The following ZBTB20 variants were observed in gnomAD, a reference collection of about 807,000 sequenced individuals.
ZBTB20 encodes zinc finger and BTB domain containing 20, also known as zinc finger and BTB domain-containing protein 20.
In ZBTB20, 9 loss-of-function variants were observed where a neutral mutation model predicts 56.9. That is an observed-to-expected ratio of 0.16 (90% CI 0.10 to 0.28). The LOEUF is 0.28. Ranked by LOEUF, ZBTB20 falls within the 10% of genes least tolerant of loss-of-function variation. ZBTB20 has a pLI of 1.00. For synonymous variants in ZBTB20, 417 were observed against 420.7 expected (o/e 0.99, Z 0.11); for missense variants, 655 against 1,003.0 (o/e 0.65, Z 4.69).
chr3:114,844,330 A>AATAT (rs71146341), intron 4 of ZBTB20, among the ~76,000 whole-genome samples: 1,091 of 98,918 alleles, frequency 0.011, 31 homozygotes, highest in African/African-American at 0.03. Flanking sequence ...TACTGGAGTA[A>AATAT]ATATATATAT....
At chr3:115,128,616 A>G (rs957662601) in intron 1 of ZBTB20, among the ~76,000 whole-genome samples, 3 of 151,178 alleles carry the variant, frequency 2.0e-5, no homozygotes, top group Non-Finnish European at 4.4e-5. Context: ...GTGAACCAAG[A>G]TGACGCCACT....
At chr3:114,441,200 TG>T (rs2090898086) in intron 7 of ZBTB20, among the ~76,000 whole-genome samples, 1 of 152,280 alleles carries the variant, frequency 6.6e-6, no homozygotes, top group South Asian at 2.1e-4. Flanking sequence ...AACATAATTA[TG>T]AAGAAAAACC....
chr3:114,901,856 T>C (rs1027182964), intron 3 of ZBTB20, among the ~76,000 whole-genome samples: 6 of 151,938 alleles, frequency 3.9e-5, no homozygotes, highest in African/African-American at 1.4e-4. Flanking sequence ...GAATTAAGAG[T>C]GATTATATCT....
chr3:114,556,699 C>T (rs2684294), intron 6 of ZBTB20, among the ~76,000 whole-genome samples: 34,257 of 151,912 alleles, frequency 0.23, 5,101 homozygotes, highest in African/African-American at 0.42. Context: ...TTATGCCAAC[C>T]TAACTATACT....
intron 5 of ZBTB20, among the ~76,000 whole-genome samples, chr3:114,770,216 A>T (rs2069100976): frequency 6.6e-6 from 1 of 151,750 alleles, no homozygotes. Flanking sequence ...ACTCGTATAG[A>T]TCACCTGAGG....
intron 4 of ZBTB20, among the ~76,000 whole-genome samples, chr3:114,834,386 C>T (rs568085744): frequency 6.6e-6 from 1 of 152,174 alleles, no homozygotes; most frequent in East Asian, 1.9e-4. Context: ...TTTTACAGTA[C>T]CCAAAGAAGA....
chr3:114,447,852 G>A (rs2091361250), intron 7 of ZBTB20, among the ~76,000 whole-genome samples: 1 of 152,072 alleles, frequency 6.6e-6, no homozygotes, highest in African/African-American at 2.4e-5. Context: ...AAACAGCTTT[G>A]AGCCTAATGC....
At chr3:114,593,956 T>G (rs926924010) in intron 6 of ZBTB20, among the ~76,000 whole-genome samples, 17 of 152,170 alleles carry the variant, frequency 1.1e-4, no homozygotes, top group African/African-American at 4.1e-4. Context: ...TTAGTAGGAG[T>G]AGTCAAGGCT....
intron 7 of ZBTB20, among the ~76,000 whole-genome samples, chr3:114,462,412 A>G (rs2092372140): frequency 6.6e-6 from 1 of 152,204 alleles, no homozygotes; most frequent in Admixed American, 6.5e-5. Flanking sequence ...CAGGTAGCAG[A>G]ATTTAGTGAC....
At chr3:114,385,816 C>T (rs754263876) in intron 8 of ZBTB20, among the ~76,000 whole-genome samples, 2 of 151,942 alleles carry the variant, frequency 1.3e-5, no homozygotes, top group Non-Finnish European at 2.9e-5. Context: ...TGCAGTGAGC[C>T]GAGATGGCGC....
chr3:114,854,103 A>G (rs2075132443), intron 4 of ZBTB20, among the ~76,000 whole-genome samples: 1 of 152,170 alleles, frequency 6.6e-6, no homozygotes, highest in Non-Finnish European at 1.5e-5. Flanking sequence ...CTTATTATTA[A>G]TAAAGTTTTG....
At chr3:114,432,799 A>G (rs2090214906) in intron 7 of ZBTB20, among the ~76,000 whole-genome samples, 1 of 152,198 alleles carries the variant, frequency 6.6e-6, no homozygotes, top group Non-Finnish European at 1.5e-5. Context: ...TGTGGATGAA[A>G]TTTAGCATCT....
rs1056432629 is a variant in ZBTB20, at chr3:114,939,324, T to C, written c.-456+35042A>G. Among the ~76,000 whole-genome samples the C allele has an allele frequency of 8.2e-5, 12 of 146,504 alleles. 1 individual carries two copies. Among genetic ancestry groups the C allele is most frequent in the Admixed American group, 4.0e-4 (6 of 15,186 alleles). On this transcript the variant is annotated intron_variant, in intron 3 of 11. Transcript: ENST00000675478. Reference sequence around the variant, plus strand: ...CAATTTAAATGTCCAAGCATAAGGATTGATTAAGCAGCTATAGTATGTCTA... The same window carrying C: ...CAATTTAAATGTCCAAGCATAAGGACTGATTAAGCAGCTATAGTATGTCTA...
At chr3:114,413,279 A>G (rs1446011347) in intron 7 of ZBTB20, among the ~76,000 whole-genome samples, 4 of 152,196 alleles carry the variant, frequency 2.6e-5, no homozygotes, top group Non-Finnish European at 4.4e-5. Context: ...AAATTCTAGT[A>G]TACGTGAACT....
intron 5 of ZBTB20, among the ~76,000 whole-genome samples, chr3:114,754,335 G>C (rs2067837241): frequency 3.9e-5 from 6 of 152,252 alleles, no homozygotes; most frequent in Admixed American, 3.9e-4. Context: ...ACTGATTAAT[G>C]ATGAGAGAAA....
intron 6 of ZBTB20, among the ~76,000 whole-genome samples, chr3:114,638,022 T>A (rs2059368291): frequency 6.6e-6 from 1 of 152,050 alleles, no homozygotes. Context: ...CTCTATTTTG[T>A]GCAGAGTGTC....
At chr3:115,058,033 T>C (rs1202961032) in intron 2 of ZBTB20, among the ~76,000 whole-genome samples, 1 of 152,168 alleles carries the variant, frequency 6.6e-6, no homozygotes, top group Non-Finnish European at 1.5e-5. Flanking sequence ...GAAAAGCCCC[T>C]TATAAAACCA....
chr3:114,357,469 T>C (rs755663664), intron 10 of ZBTB20, among the ~76,000 whole-genome samples: 1 of 152,346 alleles, frequency 6.6e-6, no homozygotes, highest in African/African-American at 2.4e-5. Flanking sequence ...AATACTGTAA[T>C]TGGGTATGCC....
At chr3:114,498,972 T>C (rs1449908804) in intron 7 of ZBTB20, among the ~76,000 whole-genome samples, 1 of 152,186 alleles carries the variant, frequency 6.6e-6, no homozygotes, top group Non-Finnish European at 1.5e-5. Flanking sequence ...TAATGCCTTG[T>C]CTAACACAGA....
Sources: gnomAD v4.1 joint callset for allele counts (sites outside exome capture counted in the v4.1 genomes callset) on GRCh38, gnomAD v4.1.1 for gene constraint, MANE v1.5 for transcripts, NCBI Gene and HGNC (gene_info 2026-07-23, HGNC 2026-07-21) for gene names.